Variants in PKP4 observed in about 807,000 individuals in gnomAD.
PKP4 encodes the protein plakophilin-4.
Under a neutral mutation model 145.1 loss-of-function variants are expected in PKP4, and 90 were observed. That is an observed-to-expected ratio of 0.62 (90% CI 0.52 to 0.74). The LOEUF (loss-of-function observed/expected upper bound fraction) is 0.74. Ranked by LOEUF, PKP4 falls within the 30% of genes least tolerant of loss-of-function variation. The pLI is 0.00. For synonymous variants in PKP4, 563 were observed against 577.2 expected (o/e 0.98, Z 0.35); for missense variants, 1,340 against 1,482.7 (o/e 0.90, Z 1.58).
chr2:158,673,838 G>A, intron 18 of PKP4, 45 bp from the exon 19 acceptor site: 1 of 1,466,488 alleles, frequency 6.8e-7, no homozygotes, highest in Non-Finnish European at 9.6e-7. Context: ...GTAATGAAAT[G>A]TCATTATTCA....
chr2:158,532,868 T>TG (rs1472304303), intron 1 of PKP4, among the ~76,000 whole-genome samples: 1 of 152,230 alleles, frequency 6.6e-6, no homozygotes, highest in African/African-American at 2.4e-5. Context: ...TCTTTTCTGT[T>TG]GCAAAAACCT....
chr2:158,670,648 C>A (rs2057476057), intron 17 of PKP4, among the ~76,000 whole-genome samples: 1 of 152,174 alleles, frequency 6.6e-6, no homozygotes, highest in Non-Finnish European at 1.5e-5. Context: ...AGTGCCTGTT[C>A]TGCAGGAACG....
At position 158,624,936 on chromosome 2, in the gene PKP4, C is replaced by G. The variant is rs747117665; in HGVS notation, c.662C>G (p.Ser221Cys). Residue 221 changes from serine to cysteine, a missense_variant, in exon 7 of 22, where the codon TCT (serine) becomes TGT (cysteine). Transcript: ENST00000389759. ...AGTTCAGTTCCATCTAGAGCACAGT[C>G]TCCTTCTTATGTTATCAGCACAGGC... ...RVSSVPSRAQ[S>C]PSYVISTGVS... The G allele has an allele frequency of 4.3e-6, 7 of 1,613,680 alleles. No homozygotes were observed. Among genetic ancestry groups the G allele is most frequent in the Non-Finnish European group, 5.9e-6 (7 of 1,179,816 alleles).
intron 1 of PKP4, among the ~76,000 whole-genome samples, chr2:158,520,298 G>A (rs1221804996): frequency 6.6e-6 from 1 of 152,144 alleles, no homozygotes; most frequent in Non-Finnish European, 1.5e-5. Context: ...AATCGTTATT[G>A]AATGTTATAC....
chr2:158,517,609 T>C (rs933431585), intron 1 of PKP4, among the ~76,000 whole-genome samples: 4 of 152,166 alleles, frequency 2.6e-5, no homozygotes, highest in Admixed American at 2.6e-4. Context: ...AATATTGTTA[T>C]AAGATAATCC....
At position 158,577,343 on chromosome 2, in the gene PKP4, T is replaced by C. The variant is rs761212754; in HGVS notation, c.205T>C (p.Cys69Arg). 6 of 1,613,016 alleles carry C rather than the reference T, an allele frequency of 3.7e-6. No individual in the cohort carries two copies. The South Asian group carries it at 6.6e-5, about 18-fold the overall frequency. The change falls in exon 3 of 22, where the codon TGT becomes CGT. Residue 69 changes from cysteine to arginine, a missense_variant. Coordinates refer to ENST00000389759, the MANE Select transcript of PKP4 (RefSeq NM_003628.6). Reference protein sequence around the residue: ...RQIVASQLERCRLGAESPSIA... With the variant: ...RQIVASQLERRRLGAESPSIA... ...GATTGTTGCCAGTCAGCTAGAAAGA[T>C]GTAGGCTTGGAGCAGAATCACCAAG...
rs536920745 is a variant in PKP4, at chr2:158,584,986, G to A, written c.245+7603G>A. Reference sequence around the variant, plus strand: ...TAGTTTGTCTCCTGACTAAAACAAAGCCCTAAGTTTTTATTTATATTGAAG... The same window carrying A: ...TAGTTTGTCTCCTGACTAAAACAAAACCCTAAGTTTTTATTTATATTGAAG... On this transcript the variant is annotated intron_variant, in intron 3 of 21. Transcript: ENST00000389759. Among the ~76,000 whole-genome samples the A allele has an allele frequency of 2.6e-5, 4 of 151,876 alleles. No individual in the cohort carries two copies. The South Asian group carries it at 8.3e-4, about 32-fold the overall frequency.
chr2:158,609,112 G>T (rs562925948), intron 4 of PKP4, among the ~76,000 whole-genome samples: 8 of 151,920 alleles, frequency 5.3e-5, no homozygotes, highest in Non-Finnish European at 1.2e-4. Context: ...CCACTGCACT[G>T]GCCCATATTT....
chr2:158,572,101 C>T (rs890508657), intron 2 of PKP4, among the ~76,000 whole-genome samples: 1 of 151,920 alleles, frequency 6.6e-6, no homozygotes, highest in African/African-American at 2.4e-5. Context: ...ATTTCACACC[C>T]AATGACCATG....
intron 1 of PKP4, among the ~76,000 whole-genome samples, chr2:158,500,550 A>G (rs1696398911): frequency 6.6e-6 from 1 of 152,232 alleles, no homozygotes. Flanking sequence ...GCCTTGTAAA[A>G]ATATAAGCCT....
rs1425050444 is a variant in PKP4 at position 158,565,484 on chromosome 2, G to C, written c.133-11787G>C. ...TGCCCTATAGATCTAACACAAGTAA[G>C]AAGTAACATTACTTGTCTGCTCTTT... is the stretch of plus-strand genomic sequence containing the variant. On this transcript the variant is annotated intron_variant, in intron 2 of 21. Coordinates refer to ENST00000389759, the MANE Select transcript of PKP4 (RefSeq NM_003628.6). 2.1e-4 allele frequency among the ~76,000 whole-genome samples: 28 copies of C among 133,146 alleles called. 1 individual carries two copies. In the Admixed American group the frequency reaches 2.4e-3, roughly 12 times the overall value. The allele number at this position is 133,146 out of a possible 152,430, so 87.3% of individuals were successfully genotyped here.
At chr2:158,646,428 C>T (rs2054832575) in intron 11 of PKP4, among the ~76,000 whole-genome samples, 1 of 152,148 alleles carries the variant, frequency 6.6e-6, no homozygotes, top group African/African-American at 2.4e-5. Context: ...TTGATTTATA[C>T]CTAAACATTG....
chr2:158,513,077 T>C (rs909404058), intron 1 of PKP4, among the ~76,000 whole-genome samples: 4 of 152,210 alleles, frequency 2.6e-5, no homozygotes, highest in Non-Finnish European at 5.9e-5. Flanking sequence ...TTTCCTTTTC[T>C]GTGTTTCATA....
At chr2:158,486,166 C>T (rs879623535) in intron 1 of PKP4, among the ~76,000 whole-genome samples, 9 of 152,066 alleles carry the variant, frequency 5.9e-5, no homozygotes, top group Non-Finnish European at 1.0e-4. Context: ...TAAATTCTTA[C>T]TTTTATGATA....
In PKP4 at chr2:158,631,592, C is replaced by G. The variant is rs112735743; in HGVS notation, c.1154-161C>G. 0.039 allele frequency among the ~76,000 whole-genome samples: 5,917 copies of G among 151,936 alleles called. 185 individuals are homozygous for G. Among genetic ancestry groups the G allele is most frequent in the Non-Finnish European group, 0.053 (3,634 of 67,930 alleles). On this transcript the variant is annotated intron_variant, in intron 7 of 21. Transcript: ENST00000389759. ...TTTTTTGTAGAGATGGGGTCTCACT[C>G]TGTTCCCAGACTGGTCTCAAATTCC...
chr2:158,640,534 C>G (rs559706158), intron 9 of PKP4, 93 bp from the exon 10 acceptor site: 1 of 1,380,128 alleles, frequency 7.2e-7, no homozygotes, highest in South Asian at 1.3e-5. Flanking sequence ...ATTTTTGTCT[C>G]AGCTGAGCTT....
intron 4 of PKP4, among the ~76,000 whole-genome samples, chr2:158,607,035 G>A (rs897031167): frequency 6.6e-6 from 1 of 152,064 alleles, no homozygotes; most frequent in African/African-American, 2.4e-5. Flanking sequence ...ATATAAAATT[G>A]TATTGGTACC....
intron 2 of PKP4, among the ~76,000 whole-genome samples, chr2:158,560,561 G>A (rs1469984781): frequency 1.8e-4 from 27 of 151,984 alleles, no homozygotes; most frequent in Admixed American, 1.7e-3. Context: ...GGAATCCAAG[G>A]CATCTGTCTA....
At chr2:158,649,991 G>T (rs372898075) in intron 11 of PKP4, among the ~76,000 whole-genome samples, 14 of 152,332 alleles carry the variant, frequency 9.2e-5, no homozygotes, top group Middle Eastern at 3.4e-3. Flanking sequence ...GGAACATGTA[G>T]GTCAGCTGTG....
Sources: gnomAD v4.1 joint callset for allele counts (sites outside exome capture counted in the v4.1 genomes callset) on GRCh38, gnomAD v4.1.1 for gene constraint, MANE v1.5 for transcripts, NCBI Gene and HGNC (gene_info 2026-07-23, HGNC 2026-07-21) for gene names.